Variants in DSCAML1 observed in about 807,000 individuals in gnomAD.
DSCAML1 encodes DS cell adhesion molecule like 1.
A neutral mutation model predicts 200.5 loss-of-function variants in DSCAML1; 38 were observed. The observed-to-expected ratio is 0.19, with a 90% confidence interval of 0.15 to 0.25. The LOEUF is 0.25. Ranked by LOEUF, DSCAML1 falls within the 10% of genes least tolerant of loss-of-function variation. The pLI is 1.00. For synonymous variants in DSCAML1, 1,215 were observed against 1,165.0 expected (o/e 1.04, Z -0.87); for missense variants, 2,223 against 2,858.8 (o/e 0.78, Z 5.07).
chr11:117,805,307 A>G (rs1034921740), intron 1 of DSCAML1, among the ~76,000 whole-genome samples: 1 of 152,162 alleles, frequency 6.6e-6, no homozygotes, highest in African/African-American at 2.4e-5. Flanking sequence ...AGCTCAGCTA[A>G]GAATGCAGCA....
At chr11:117,755,396 C>T (rs2054669186) in intron 3 of DSCAML1, among the ~76,000 whole-genome samples, 1 of 152,104 alleles carries the variant, frequency 6.6e-6, no homozygotes. Flanking sequence ...AGAGATAACG[C>T]TTGTGAAATA....
intron 1 of DSCAML1, among the ~76,000 whole-genome samples, chr11:117,811,281 G>A (rs1019042002): frequency 3.9e-5 from 6 of 151,988 alleles, no homozygotes; most frequent in African/African-American, 1.5e-4. Flanking sequence ...ACCCTAAAAG[G>A]TCAAAAGGCC....
At chr11:117,812,953 C>T (rs1322799957) in intron 1 of DSCAML1, among the ~76,000 whole-genome samples, 1 of 151,902 alleles carries the variant, frequency 6.6e-6, no homozygotes, top group East Asian at 1.9e-4. Flanking sequence ...GAGGCCTTTC[C>T]TACAAGGTCT....
intron 14 of DSCAML1, among the ~76,000 whole-genome samples, chr11:117,476,566 G>A (rs975318905): frequency 2.0e-5 from 3 of 152,252 alleles, no homozygotes; most frequent in African/African-American, 7.2e-5. Flanking sequence ...CTTGCGCTAT[G>A]AGGCTGGTGT....
At chr11:117,530,792 G>C (rs895759390) in intron 4 of DSCAML1, among the ~76,000 whole-genome samples, 1 of 152,144 alleles carries the variant, frequency 6.6e-6, no homozygotes, top group Admixed American at 6.5e-5. Flanking sequence ...CACAGAATCA[G>C]AGCAGCCACC....
intron 3 of DSCAML1, among the ~76,000 whole-genome samples, chr11:117,657,119 C>T (rs2052751466): frequency 6.6e-6 from 1 of 152,184 alleles, no homozygotes; most frequent in East Asian, 1.9e-4. Context: ...AGGCCAACAG[C>T]AGCTAGTCCT....
At chr11:117,515,262 G>A (rs926338067) in intron 8 of DSCAML1, among the ~76,000 whole-genome samples, 11 of 152,154 alleles carry the variant, frequency 7.2e-5, no homozygotes, top group African/African-American at 2.4e-4. Context: ...AGCCGTGGCT[G>A]ACTCAGTACC....
chr11:117,545,731 G>C (rs1043773977), intron 3 of DSCAML1, among the ~76,000 whole-genome samples: 2 of 152,202 alleles, frequency 1.3e-5, no homozygotes, highest in African/African-American at 2.4e-5. Flanking sequence ...GAAGCTGAAG[G>C]CATCATCCAG....
rs530206048 is a variant in DSCAML1 at position 117,489,374 on chromosome 11, G to A, written c.2360-7212C>T. On this transcript the variant is annotated intron_variant, in intron 11 of 32. Transcript: ENST00000651296. This position sits in a 1 kb window ranked among gnomAD's most constrained non-coding sequence, Gnocchi z 4.8. ...CTCACTGCTCTGTAGGGCACAGGAG[G>A]CTTTAATGAAATACAACTTCTCTGC... 9.8e-5 allele frequency among the ~76,000 whole-genome samples: 15 copies of A among 152,326 alleles called. 2 individuals are homozygous for A. The highest frequency in any genetic ancestry group is 3.4e-4 in the African/African-American group (14 of 41,574).
chr11:117,602,104 C>T (rs2051477174), intron 3 of DSCAML1, among the ~76,000 whole-genome samples: 2 of 152,288 alleles, frequency 1.3e-5, no homozygotes, highest in African/African-American at 4.8e-5. Context: ...TCAGAATCAG[C>T]AGCCTCAGCT....
At chr11:117,649,468 G>A (rs1422331832) in intron 3 of DSCAML1, among the ~76,000 whole-genome samples, 2 of 152,122 alleles carry the variant, frequency 1.3e-5, no homozygotes, top group African/African-American at 4.8e-5. Context: ...CCATATGCCT[G>A]TTCTTGCAGG....
chr11:117,502,403 C>T (rs1056555952), intron 11 of DSCAML1, among the ~76,000 whole-genome samples: 12 of 152,200 alleles, frequency 7.9e-5, no homozygotes, highest in Admixed American at 1.3e-4. Flanking sequence ...GCTCTTCCCC[C>T]GCCTCGCGCA....
intron 3 of DSCAML1, chr11:117,709,771 A>G (rs1168086611): frequency 2.2e-6 from 1 of 454,376 alleles, no homozygotes; most frequent in African/African-American, 2.0e-5. Context: ...CTCCTGACCC[A>G]TCACCCTAAG....
intron 3 of DSCAML1, among the ~76,000 whole-genome samples, chr11:117,727,483 G>A (rs1241870994): frequency 1.3e-5 from 2 of 152,194 alleles, no homozygotes; most frequent in African/African-American, 4.8e-5. Context: ...GGGTGTGACT[G>A]CTGAGTATAG....
chr11:117,450,318 G>GC (rs1306658296), intron 20 of DSCAML1, among the ~76,000 whole-genome samples: 9 of 152,218 alleles, frequency 5.9e-5, no homozygotes, highest in Non-Finnish European at 8.8e-5. Context: ...ACTCAAAAGA[G>GC]CCCCCAGTGT....
intron 3 of DSCAML1, among the ~76,000 whole-genome samples, chr11:117,669,176 C>T (rs2053047243): frequency 6.6e-6 from 1 of 152,226 alleles, no homozygotes; most frequent in Non-Finnish European, 1.5e-5. Flanking sequence ...AAAAATTCCC[C>T]ATAAAAGGAG....
chr11:117,782,530 C>A (rs1158750531), intron 1 of DSCAML1, among the ~76,000 whole-genome samples: 1 of 152,218 alleles, frequency 6.6e-6, no homozygotes, highest in Admixed American at 6.5e-5. Context: ...CCAAGCAAGT[C>A]TGCTCTGCAC....
intron 21 of DSCAML1, among the ~76,000 whole-genome samples, chr11:117,440,676 C>A (rs1369883282): frequency 6.6e-6 from 1 of 152,134 alleles, no homozygotes; most frequent in Non-Finnish European, 1.5e-5. Context: ...CTTTGGGAGG[C>A]TGTGGCAGGC....
intron 3 of DSCAML1, among the ~76,000 whole-genome samples, chr11:117,590,693 G>A (rs990070486): frequency 6.6e-6 from 1 of 152,218 alleles, no homozygotes; most frequent in Non-Finnish European, 1.5e-5. Context: ...AAGAACTGCA[G>A]CAGAAAGGAC....
Sources: allele counts gnomAD v4.1 joint callset (sites outside exome capture counted in the v4.1 genomes callset), GRCh38; gene constraint gnomAD v4.1.1; non-coding constraint Gnocchi (gnomAD v3.1); transcripts MANE v1.5; gene names NCBI Gene and HGNC (gene_info 2026-07-23, HGNC 2026-07-21).